ERBB4: variants seen among roughly 807,000 people sequenced by gnomAD.
The protein encoded by ERBB4 is erb-b2 receptor tyrosine kinase 4, also known as receptor tyrosine-protein kinase erbB-4.
In ERBB4, 42 loss-of-function variants were observed where a neutral mutation model predicts 158.0. That is an observed-to-expected ratio of 0.27 (90% CI 0.21 to 0.34). ERBB4 has a LOEUF of 0.34. Ranked by LOEUF, ERBB4 falls within the 10% of genes least tolerant of loss-of-function variation. The pLI, the probability that ERBB4 is intolerant of heterozygous loss-of-function variation, is 1.00. For synonymous variants in ERBB4, 583 were observed against 558.7 expected (o/e 1.04, Z -0.61); for missense variants, 1,333 against 1,624.1 (o/e 0.82, Z 3.08).
At chr2:211,923,840 A>T (rs946020560) in intron 3 of ERBB4, among the ~76,000 whole-genome samples, 2 of 152,090 alleles carry the variant, frequency 1.3e-5, no homozygotes, top group East Asian at 3.9e-4. Flanking sequence ...CTCCTGCCTC[A>T]GCCTCCCAAG....
chr2:211,384,884 AT>A (rs2062653485), intron 27 of ERBB4, among the ~76,000 whole-genome samples: 1 of 152,116 alleles, frequency 6.6e-6, no homozygotes, highest in Non-Finnish European at 1.5e-5. Context: ...TAGTATAGGT[AT>A]TGGCCTAAAA....
At chr2:212,144,236 G>T (rs1447732667) in intron 1 of ERBB4, among the ~76,000 whole-genome samples, 2 of 151,982 alleles carry the variant, frequency 1.3e-5, no homozygotes, top group African/African-American at 4.8e-5. Context: ...ATACACGTAT[G>T]ACCCTCTTTG....
At chr2:212,289,669 A>C (rs983438098) in intron 1 of ERBB4, among the ~76,000 whole-genome samples, 17 of 152,276 alleles carry the variant, frequency 1.1e-4, no homozygotes, top group African/African-American at 4.1e-4. Flanking sequence ...CTGAGGGCAG[A>C]ATTTAGGCTA....
chr2:212,271,828 T>C (rs890659133), intron 1 of ERBB4, among the ~76,000 whole-genome samples: 2 of 151,794 alleles, frequency 1.3e-5, no homozygotes, highest in African/African-American at 4.8e-5. Context: ...CATATCTACA[T>C]TCTGCTTCAG....
chr2:211,734,903 C>A (rs1292922385), intron 5 of ERBB4, among the ~76,000 whole-genome samples: 1 of 84,708 alleles, frequency 1.2e-5, no homozygotes, highest in Non-Finnish European at 2.0e-5. Flanking sequence ...ACAAGCGAGA[C>A]TCTGTCAAAA....
At chr2:212,321,039 C>A (rs988475541) in intron 1 of ERBB4, among the ~76,000 whole-genome samples, 1 of 150,104 alleles carries the variant, frequency 6.7e-6, no homozygotes, top group Admixed American at 6.7e-5. Flanking sequence ...GAAAAACTCT[C>A]ACTGTAGAGT....
chr2:212,235,678 C>T (rs2083841354), intron 1 of ERBB4, among the ~76,000 whole-genome samples: 1 of 152,002 alleles, frequency 6.6e-6, no homozygotes, highest in Non-Finnish European at 1.5e-5. Context: ...TTGAAGAGTC[C>T]TTCACATCCC....
At position 212,105,269 on chromosome 2, in the gene ERBB4, C is replaced by T. The variant is rs528488556; in HGVS notation, c.234+19483G>A. On this transcript the variant is annotated intron_variant, in intron 2 of 27. Coordinates refer to ENST00000342788, the MANE Select transcript of ERBB4 (RefSeq NM_005235.3). Reference sequence around the variant, plus strand: ...TAGATCATGTGTGCGTTATTGCAGACGAGTGAGTCCAATGTTTTCCAAAGA... The same window carrying T: ...TAGATCATGTGTGCGTTATTGCAGATGAGTGAGTCCAATGTTTTCCAAAGA... Among the ~76,000 whole-genome samples the T allele has an allele frequency of 1.4e-3, 206 of 152,264 alleles. 1 individual carries two copies. The highest frequency in any genetic ancestry group is 0.012 in the South Asian group (58 of 4,828).
At chr2:211,783,564 G>A (rs2106307201) in intron 4 of ERBB4, among the ~76,000 whole-genome samples, 1 of 152,290 alleles carries the variant, frequency 6.6e-6, no homozygotes, top group South Asian at 2.1e-4. Flanking sequence ...TTTATTGAGA[G>A]TTTTTAGTAT....
At chr2:211,773,624 ATATATAT>A (rs1434175777) in intron 4 of ERBB4, among the ~76,000 whole-genome samples, 2,405 of 73,912 alleles carry the variant, frequency 0.033, 168 homozygotes, top group African/African-American at 0.12. Context: ...ATATATATAT[ATATATAT>A]ATATATATAT....
At chr2:212,433,063 A>G (rs1223383876) in intron 1 of ERBB4, among the ~76,000 whole-genome samples, 2 of 152,074 alleles carry the variant, frequency 1.3e-5, no homozygotes, top group Non-Finnish European at 2.9e-5. Context: ...GTGGTAGAAA[A>G]GTTATTTATA....
chr2:212,356,243 G>A (rs2089458033), intron 1 of ERBB4, among the ~76,000 whole-genome samples: 1 of 151,960 alleles, frequency 6.6e-6, no homozygotes, highest in African/African-American at 2.4e-5. Context: ...CCATGTTGCT[G>A]TACTGATCCT....
chr2:211,548,838 C>T (rs997853331), intron 20 of ERBB4, among the ~76,000 whole-genome samples: 2 of 152,030 alleles, frequency 1.3e-5, no homozygotes, highest in Non-Finnish European at 2.9e-5. Context: ...ATATTTGTTT[C>T]GATTTTAAAC....
chr2:212,172,845 C>T (rs919618864), intron 1 of ERBB4, among the ~76,000 whole-genome samples: 1 of 151,910 alleles, frequency 6.6e-6, no homozygotes, highest in Admixed American at 6.6e-5. Context: ...GGGCTTAATA[C>T]CTGGGTGATG....
At chr2:211,427,025 C>T (rs997329058) in intron 22 of ERBB4, among the ~76,000 whole-genome samples, 6 of 151,998 alleles carry the variant, frequency 3.9e-5, no homozygotes, top group South Asian at 2.1e-4. Context: ...CTCAGACACA[C>T]GACATTTTCT....
intron 20 of ERBB4, among the ~76,000 whole-genome samples, chr2:211,461,278 T>G (rs1461141701): frequency 6.6e-6 from 1 of 152,164 alleles, no homozygotes; most frequent in Non-Finnish European, 1.5e-5. Flanking sequence ...AAATGTTTGC[T>G]TTTACTAGTA....
chr2:212,061,401 C>T (rs1324089524), intron 2 of ERBB4, among the ~76,000 whole-genome samples: 7 of 139,168 alleles, frequency 5.0e-5, no homozygotes, highest in African/African-American at 1.3e-4. Flanking sequence ...TGCAGTGAGC[C>T]GCGATGGTTC....
intron 16 of ERBB4, among the ~76,000 whole-genome samples, chr2:211,654,313 G>A (rs1190655577): frequency 2.0e-5 from 3 of 152,170 alleles, no homozygotes; most frequent in Non-Finnish European, 4.4e-5. Flanking sequence ...AATTGATTCT[G>A]ACAAGTCAAT....
intron 20 of ERBB4, among the ~76,000 whole-genome samples, chr2:211,466,332 G>GT (rs1158162850): frequency 0.012 from 1,367 of 118,526 alleles, 8 homozygotes; most frequent in African/African-American, 0.018. Flanking sequence ...TTTTTGTGTA[G>GT]TTTTTTTTTT....
Sources: gnomAD v4.1 joint callset for allele counts (sites outside exome capture counted in the v4.1 genomes callset) on GRCh38, gnomAD v4.1.1 for gene constraint, MANE v1.5 for transcripts, NCBI Gene and HGNC (gene_info 2026-07-23, HGNC 2026-07-21) for gene names.